ELP3: variants seen among roughly 807,000 people sequenced by gnomAD.
ELP3 encodes elongator acetyltransferase complex subunit 3.
A neutral mutation model predicts 74.9 loss-of-function variants in ELP3; 56 were observed. That is an observed-to-expected ratio of 0.75 (90% CI 0.60 to 0.93). The LOEUF (loss-of-function observed/expected upper bound fraction) is 0.93, where lower values mean the gene tolerates loss of function less well. ELP3 is among the 40% of genes least tolerant of loss of function. ELP3 has a pLI of 0.00. For synonymous variants in ELP3, 222 were observed against 239.8 expected (o/e 0.93, Z 0.68); for missense variants, 573 against 686.5 (o/e 0.83, Z 1.85).
chr8:28,115,145 A>T (rs1812074217), intron 7 of ELP3, among the ~76,000 whole-genome samples: 1 of 152,126 alleles, frequency 6.6e-6, no homozygotes, highest in Non-Finnish European at 1.5e-5. Flanking sequence ...GAAAATCAAG[A>T]GTTCTGTTTT....
chr8:28,171,268 C>T lies in ELP3; in HGVS notation c.1567+9190C>T, dbSNP rs2100366. Among the ~76,000 whole-genome samples the T allele has an allele frequency of 6.1e-3, 926 of 152,206 alleles. 9 individuals are homozygous for T. Among genetic ancestry groups the T allele is most frequent in the African/African-American group, 0.021 (881 of 41,498 alleles). On this transcript the variant is annotated intron_variant, in intron 14 of 14. Coordinates refer to ENST00000256398, the MANE Select transcript of ELP3 (RefSeq NM_018091.6). ...TGAGGAACCACCAAACTATTTTCCA[C>T]AGTAACTGCACTGTTTTTCATTCCC...
At chr8:28,137,931 A>G in intron 10 of ELP3, 40 bp downstream of exon 10, 2 of 1,493,132 alleles carry the variant, frequency 1.3e-6, no homozygotes, top group South Asian at 1.3e-5. Context: ...GTTGGTGACT[A>G]GTCTGTTTAC....
chr8:28,157,487 T>C lies in ELP3; in HGVS notation c.1192-1081T>C, dbSNP rs1813877833. Among the ~76,000 whole-genome samples, 4 of 152,330 alleles carry C rather than the reference T, an allele frequency of 2.6e-5. No homozygotes were observed. In the South Asian group the frequency reaches 8.3e-4, roughly 32 times the overall value. On this transcript the variant is annotated intron_variant, in intron 11 of 14. Transcript: ENST00000256398. ...TTTACTGGAATTCATGGACTCTACATCAGCAAAGCATTGTCTTGAGCTAGT... is the reference window on the plus strand; with the variant it reads ...TTTACTGGAATTCATGGACTCTACACCAGCAAAGCATTGTCTTGAGCTAGT...
At chr8:28,162,111 T>C (rs761396832) in intron 14 of ELP3, 33 bp downstream of exon 14, 17 of 1,606,978 alleles carry the variant, frequency 1.1e-5, no homozygotes, top group Middle Eastern at 1.6e-4. Flanking sequence ...CATGATTCCT[T>C]CCCATTTTGA....
intron 14 of ELP3, among the ~76,000 whole-genome samples, chr8:28,183,031 C>T (rs939728465): frequency 2.0e-5 from 3 of 152,194 alleles, no homozygotes; most frequent in Non-Finnish European, 4.4e-5. Context: ...CTACTCCTCT[C>T]GGCCCATCCC....
chr8:28,162,215 T>A, intron 14 of ELP3, 137 bp downstream of exon 14: 1 of 864,464 alleles, frequency 1.2e-6, no homozygotes, highest in Non-Finnish European at 1.8e-6. Flanking sequence ...GGCGAAGGAC[T>A]TGTGCTCAAA....
intron 9 of ELP3, among the ~76,000 whole-genome samples, chr8:28,135,418 C>G (rs1052490421): frequency 6.6e-6 from 1 of 152,168 alleles, no homozygotes; most frequent in Non-Finnish European, 1.5e-5. Flanking sequence ...CAGAGATGAA[C>G]TCTCCAACTT....
chr8:28,182,884 A>G (rs1197978119), intron 14 of ELP3, among the ~76,000 whole-genome samples: 2 of 152,238 alleles, frequency 1.3e-5, no homozygotes, highest in Admixed American at 1.3e-4. Context: ...GAAAAGGATC[A>G]GAGAGATGCT....
chr8:28,166,476 T>A (rs2130567513), intron 14 of ELP3, among the ~76,000 whole-genome samples: 1 of 152,370 alleles, frequency 6.6e-6, no homozygotes, highest in East Asian at 1.9e-4. Context: ...TGGTATCATT[T>A]GCCAGCTTAA....
At chr8:28,164,610 A>G (rs903345367) in intron 14 of ELP3, among the ~76,000 whole-genome samples, 1 of 152,110 alleles carries the variant, frequency 6.6e-6, no homozygotes, top group African/African-American at 2.4e-5. Flanking sequence ...AGGGGAAACT[A>G]CGTACGCCTG....
chr8:28,108,788 C>T (rs1358765174), intron 5 of ELP3, among the ~76,000 whole-genome samples: 1 of 151,938 alleles, frequency 6.6e-6, no homozygotes, highest in Non-Finnish European at 1.5e-5. Context: ...GGAAGGTAGA[C>T]AGTAAAGAAA....
chr8:28,103,510 CTG>C (rs1272826067), intron 3 of ELP3, among the ~76,000 whole-genome samples: 2 of 152,172 alleles, frequency 1.3e-5, no homozygotes, highest in Admixed American at 1.3e-4. Flanking sequence ...AAACAAAGCT[CTG>C]TGAAGGTTAT....
At chr8:28,097,650 C>T (rs1259794294) in intron 2 of ELP3, among the ~76,000 whole-genome samples, 1 of 152,136 alleles carries the variant, frequency 6.6e-6, no homozygotes, top group Non-Finnish European at 1.5e-5. Flanking sequence ...CCCACCTCGG[C>T]CTCCCAAAGT....
intron 14 of ELP3, among the ~76,000 whole-genome samples, chr8:28,171,613 T>G: frequency 6.6e-6 from 1 of 152,168 alleles, no homozygotes; most frequent in Non-Finnish European, 1.5e-5. Flanking sequence ...TGGGTTGCCT[T>G]TTCACTTTCT....
chr8:28,132,480 C>T (rs2130464948), intron 9 of ELP3, 76 bp downstream of exon 9: 1 of 1,584,388 alleles, frequency 6.3e-7, no homozygotes, highest in Non-Finnish European at 8.6e-7. Flanking sequence ...GTTGCTTGTT[C>T]ACTGTTGATG....
chr8:28,115,125 C>G (rs1812072876), intron 7 of ELP3, among the ~76,000 whole-genome samples: 1 of 152,126 alleles, frequency 6.6e-6, no homozygotes, highest in Non-Finnish European at 1.5e-5. Context: ...CAGAGAAAAT[C>G]TCAGAGGGAG....
At position 28,113,008 on chromosome 8, in the gene ELP3, T is replaced by G. The variant is rs1422062179; in HGVS notation, c.463-11T>G. ...TTATATCATTCTAATGCTGATGAAT[T>G]TGTCTTTCAGTTAAAACAACTTGGT... is the stretch of plus-strand genomic sequence containing the variant. On this transcript the variant is annotated splice_polypyrimidine_tract_variant and intron_variant, in intron 6 of 14. Coordinates refer to ENST00000256398, the MANE Select transcript of ELP3 (RefSeq NM_018091.6). The G allele has an allele frequency of 6.2e-7, 1 of 1,611,226 alleles. No individual in the cohort carries two copies. Among genetic ancestry groups the G allele is most frequent in the Non-Finnish European group, 8.5e-7 (1 of 1,178,894 alleles).
rs760650877 is a variant in ELP3 at position 28,099,872 on chromosome 8, C to T, written c.164C>T (p.Pro55Leu). The part of the protein sequence containing the change: ...TAAKYGLSAQ[P>L]RLVDIIAAVP... Reference sequence around the variant, plus strand: ...GCCAAATATGGCCTTTCTGCCCAGCCCCGCCTGGTGGATATCATTGCTGCC... The same window carrying T: ...GCCAAATATGGCCTTTCTGCCCAGCTCCGCCTGGTGGATATCATTGCTGCC... The change falls in exon 3 of 15, where the codon CCC (proline) becomes CTC (leucine). Residue 55 changes from proline (P) to leucine (L), a missense_variant. Coordinates refer to ENST00000256398, the MANE Select transcript of ELP3 (RefSeq NM_018091.6). The T allele has an allele frequency of 1.2e-6, 2 of 1,614,050 alleles. No individual in the cohort carries two copies. The highest frequency in any genetic ancestry group is 2.7e-5 in the African/African-American group (2 of 74,908).
At chr8:28,102,879 C>CCT (rs1168503245) in intron 3 of ELP3, among the ~76,000 whole-genome samples, 1 of 152,116 alleles carries the variant, frequency 6.6e-6, no homozygotes, top group Non-Finnish European at 1.5e-5. Flanking sequence ...CCTAAAATCT[C>CCT]CTATTTGTGG....
Sources: allele counts gnomAD v4.1 joint callset (sites outside exome capture counted in the v4.1 genomes callset), GRCh38; gene constraint gnomAD v4.1.1; transcripts MANE v1.5; gene names NCBI Gene and HGNC (gene_info 2026-07-23, HGNC 2026-07-21).